IQGAP2: variants seen among roughly 807,000 people sequenced by gnomAD.
The protein encoded by IQGAP2 is ras GTPase-activating-like protein IQGAP2.
A neutral mutation model predicts 201.3 loss-of-function variants in IQGAP2; 173 were observed. The ratio of observed to expected loss-of-function variants is 0.86; its 90% CI spans 0.76 to 0.98. The LOEUF is 0.98. Ranked by LOEUF, IQGAP2 falls within the 50% of genes least tolerant of loss-of-function variation. The probability of loss-of-function intolerance (pLI) is 0.00; values close to 1 mark genes in which losing one functional copy is unlikely to be tolerated. For synonymous variants in IQGAP2, 675 were observed against 673.9 expected (o/e 1.00, Z -0.03); for missense variants, 1,687 against 1,864.8 (o/e 0.90, Z 1.76).
intron 3 of IQGAP2, among the ~76,000 whole-genome samples, chr5:76,568,872 A>T (rs1744921186): frequency 6.6e-6 from 1 of 152,202 alleles, no homozygotes; most frequent in Non-Finnish European, 1.5e-5. Flanking sequence ...AGAGGGGGAC[A>T]TTATTTATTT....
chr5:76,437,367 A>T (rs6876318), intron 1 of IQGAP2, among the ~76,000 whole-genome samples: 14,492 of 152,130 alleles, frequency 0.095, 1,777 homozygotes, highest in African/African-American at 0.29. Flanking sequence ...TTTTTAAAAA[A>T]TTTTTATTTT....
intron 14 of IQGAP2, chr5:76,628,850 G>A (rs1329356725): frequency 2.9e-5 from 10 of 344,278 alleles, no homozygotes; most frequent in Non-Finnish European, 5.7e-5. Context: ...GTGGAGGTGT[G>A]TATATAAGAA....
intron 15 of IQGAP2, 99 bp downstream of exon 15, chr5:76,632,125 T>C (rs748622803): frequency 2.9e-5 from 30 of 1,025,524 alleles, no homozygotes; most frequent in Admixed American, 1.3e-4. Flanking sequence ...GCTTTCAAAT[T>C]AACATTTCTG....
chr5:76,505,784 T>C (rs1022155655), intron 2 of IQGAP2, among the ~76,000 whole-genome samples: 1 of 152,206 alleles, frequency 6.6e-6, no homozygotes, highest in Admixed American at 6.5e-5. Flanking sequence ...CTTTAGACCA[T>C]ATTTATTCAT....
chr5:76,443,049 G>T (rs1485447470), intron 1 of IQGAP2, among the ~76,000 whole-genome samples: 1 of 152,028 alleles, frequency 6.6e-6, no homozygotes, highest in African/African-American at 2.4e-5. Flanking sequence ...AAGACCACAC[G>T]TAATCTGCTC....
chr5:76,562,329 C>T (rs974713278), intron 2 of IQGAP2, 67 bp from the exon 3 acceptor site: 51 of 1,150,198 alleles, frequency 4.4e-5, no homozygotes, highest in Middle Eastern at 4.1e-4. Flanking sequence ...CGAAATGCTG[C>T]ATGCCTTCAT....
Position 76,535,472 on chromosome 5 carries a change from A to C in IQGAP2, c.147-26924A>C, listed in dbSNP as rs553466876. ...CAGCTACCTAATTTGCAGGGCCCTC[A>C]CTGCCAAATGAAACCGTGGGACCTC... is the stretch of plus-strand genomic sequence containing the variant. On this transcript the variant is annotated intron_variant, in intron 2 of 35. Transcript: ENST00000274364. Among the ~76,000 whole-genome samples the C allele has an allele frequency of 3.3e-5, 5 of 152,304 alleles. No homozygotes were observed. The South Asian group carries it at 1.0e-3, about 32-fold the overall frequency.
In IQGAP2 at chr5:76,701,066, A is replaced by G. The variant is rs1468906639; in HGVS notation, c.4368-10A>G. ...TCATAACAACAAATGTTCTGTTCTTATTTTGTCAGAAATACTCGGAGATCA... is the reference window on the plus strand; with the variant it reads ...TCATAACAACAAATGTTCTGTTCTTGTTTTGTCAGAAATACTCGGAGATCA... On this transcript the variant is annotated splice_polypyrimidine_tract_variant and intron_variant, in intron 33 of 35. Coordinates refer to ENST00000274364, the MANE Select transcript of IQGAP2 (RefSeq NM_006633.5). The G allele has an allele frequency of 6.2e-7, 1 of 1,613,866 alleles. No homozygotes were observed. Among genetic ancestry groups the G allele is most frequent in the East Asian group, 2.2e-5 (1 of 44,876 alleles).
rs1561365094 is a variant in IQGAP2, at chr5:76,429,602, ATT to A, written c.46+26013_46+26014del. On this transcript the variant is annotated intron_variant, in intron 1 of 35. Transcript: ENST00000274364. ...AAAATTTATATATATATATATGTAT[ATT>A]TATATATATACATATATAAATTTAT... is the stretch of plus-strand genomic sequence containing the variant. Among the ~76,000 whole-genome samples the A allele has an allele frequency of 4.9e-5, 7 of 144,188 alleles. No homozygotes were observed. In the Admixed American group the frequency reaches 4.9e-4, roughly 10 times the overall value. 94.6% of individuals were successfully genotyped at this position (144,188 alleles called of 152,430 possible). A position where few individuals can be genotyped will look rare whatever the true frequency, so the allele number is the denominator to read the frequency against.
At chr5:76,418,619 T>C (rs1229404823) in intron 1 of IQGAP2, among the ~76,000 whole-genome samples, 1 of 151,654 alleles carries the variant, frequency 6.6e-6, no homozygotes, top group East Asian at 1.9e-4. Flanking sequence ...AATCTCTAAA[T>C]TGAAAAGACT....
chr5:76,475,358 G>T (rs1421080195), intron 2 of IQGAP2, among the ~76,000 whole-genome samples: 1 of 152,176 alleles, frequency 6.6e-6, no homozygotes, highest in East Asian at 1.9e-4. Flanking sequence ...AAAGAATGGG[G>T]TAACTATGCC....
rs149834802 is a variant in IQGAP2 at position 76,503,533 on chromosome 5, A to G, written c.146+41864A>G. Among the ~76,000 whole-genome samples the G allele has an allele frequency of 2.2e-3, 338 of 152,022 alleles. 1 individual carries two copies. The highest frequency in any genetic ancestry group is 7.9e-3 in the African/African-American group (326 of 41,482). On this transcript the variant is annotated intron_variant, in intron 2 of 35. Transcript: ENST00000274364. ...GTGGTATAGATTGAGTTTTGTTGTCATACCTTCCTGTGTTTGTGGAGTCTT... is the reference window on the plus strand; with the variant it reads ...GTGGTATAGATTGAGTTTTGTTGTCGTACCTTCCTGTGTTTGTGGAGTCTT...
At chr5:76,526,573 C>A (rs1300976257) in intron 2 of IQGAP2, among the ~76,000 whole-genome samples, 4 of 152,184 alleles carry the variant, frequency 2.6e-5, no homozygotes, top group Admixed American at 6.5e-5. Flanking sequence ...GCTTTTTGTT[C>A]ATTATAAATG....
At chr5:76,683,975 T>C in intron 30 of IQGAP2, 58 bp downstream of exon 30, 1 of 1,465,076 alleles carries the variant, frequency 6.8e-7, no homozygotes, top group Non-Finnish European at 9.3e-7. Context: ...ATGATGCAAA[T>C]TCAAATGAGG....
At chr5:76,455,234 A>C (rs576637476) in intron 1 of IQGAP2, among the ~76,000 whole-genome samples, 1 of 152,150 alleles carries the variant, frequency 6.6e-6, no homozygotes, top group Non-Finnish European at 1.5e-5. Context: ...ATCCCTCAGG[A>C]GGTCAGGAGT....
intron 1 of IQGAP2, among the ~76,000 whole-genome samples, chr5:76,451,280 T>C (rs1753727423): frequency 6.6e-6 from 1 of 152,168 alleles, no homozygotes; most frequent in African/African-American, 2.4e-5. Context: ...CTCTTCCTCT[T>C]GTTCCTTCTA....
intron 1 of IQGAP2, among the ~76,000 whole-genome samples, chr5:76,432,326 T>C (rs1210577832): frequency 1.3e-5 from 2 of 152,146 alleles, no homozygotes; most frequent in Non-Finnish European, 2.9e-5. Context: ...GGTTTTACCC[T>C]GTTGGCCAGG....
At chr5:76,663,494 G>T (rs533279981) in intron 21 of IQGAP2, among the ~76,000 whole-genome samples, 27 of 152,196 alleles carry the variant, frequency 1.8e-4, no homozygotes, top group African/African-American at 6.5e-4. Context: ...ATGCCATTAG[G>T]GTCATGAAAT....
intron 10 of IQGAP2, among the ~76,000 whole-genome samples, chr5:76,599,429 C>T (rs1248134498): frequency 6.6e-6 from 1 of 152,186 alleles, no homozygotes; most frequent in African/African-American, 2.4e-5. Context: ...GCTGTCCAAC[C>T]TCATTTCTTC....
Sources: gnomAD v4.1 joint callset for allele counts (sites outside exome capture counted in the v4.1 genomes callset) on GRCh38, gnomAD v4.1.1 for gene constraint, MANE v1.5 for transcripts, NCBI Gene and HGNC (gene_info 2026-07-23, HGNC 2026-07-21) for gene names.